Variants in OLFM3 observed in about 807,000 individuals in gnomAD.
OLFM3 encodes the protein noelin-3.
In OLFM3, 20 loss-of-function variants were observed where a neutral mutation model predicts 48.6. The ratio of observed to expected loss-of-function variants is 0.41; its 90% CI spans 0.29 to 0.60. OLFM3 has a LOEUF of 0.60. OLFM3 is among the 20% of genes least tolerant of loss of function. OLFM3 has a pLI of 0.28. For synonymous variants in OLFM3, 222 were observed against 198.1 expected (o/e 1.12, Z -1.01); for missense variants, 437 against 544.3 (o/e 0.80, Z 1.96).
intron 1 of OLFM3, among the ~76,000 whole-genome samples, chr1:101,932,494 A>C (rs955678736): frequency 6.6e-6 from 1 of 152,176 alleles, no homozygotes; most frequent in Non-Finnish European, 1.5e-5. Flanking sequence ...GGAACCCTGC[A>C]CAGGGCTATT....
intron 1 of OLFM3, among the ~76,000 whole-genome samples, chr1:101,957,689 G>A (rs1422373819): frequency 6.6e-6 from 1 of 151,996 alleles, no homozygotes; most frequent in East Asian, 1.9e-4. Context: ...TGTTACATAA[G>A]TGAGGTCTCT....
chr1:101,995,825 A>T (rs1162826256), intron 1 of OLFM3, among the ~76,000 whole-genome samples: 2 of 152,222 alleles, frequency 1.3e-5, no homozygotes, highest in Non-Finnish European at 2.9e-5. Flanking sequence ...CAGTTAAATA[A>T]GTAAAATAAT....
At chr1:101,828,239 C>A (rs1389792760) in intron 3 of OLFM3, among the ~76,000 whole-genome samples, 2 of 152,070 alleles carry the variant, frequency 1.3e-5, no homozygotes, top group South Asian at 2.1e-4. Context: ...GAGAATAGAC[C>A]AATACACTCT....
At chr1:101,819,966 G>T (rs1445226) in intron 4 of OLFM3, among the ~76,000 whole-genome samples, 68,033 of 151,786 alleles carry the variant, frequency 0.45, 15,544 homozygotes, top group Non-Finnish European at 0.5. Flanking sequence ...AATATTGCTG[G>T]AGTTATTGAC....
chr1:101,937,874 C>G (rs578043233), intron 1 of OLFM3, among the ~76,000 whole-genome samples: 1 of 152,230 alleles, frequency 6.6e-6, no homozygotes, highest in Non-Finnish European at 1.5e-5. Context: ...ACTTATTCAT[C>G]CCTTACATAT....
At chr1:101,809,774 C>G (rs914081815) in intron 4 of OLFM3, among the ~76,000 whole-genome samples, 2 of 151,896 alleles carry the variant, frequency 1.3e-5, no homozygotes. Context: ...AAATAATTCA[C>G]TTGAATTTAA....
chr1:101,883,624 C>T (rs957082578), intron 1 of OLFM3, among the ~76,000 whole-genome samples: 12 of 151,896 alleles, frequency 7.9e-5, no homozygotes, highest in African/African-American at 2.9e-4. Context: ...AGTTACTTGG[C>T]TTTTCCACCT....
chr1:101,840,585 C>A (rs1408100012), intron 1 of OLFM3, among the ~76,000 whole-genome samples: 3 of 151,978 alleles, frequency 2.0e-5, no homozygotes, highest in Non-Finnish European at 2.9e-5. Context: ...ATTCTCCCAC[C>A]ACAGTTTCCT....
chr1:101,996,641 GA>G lies in OLFM3; in HGVS notation c.69+106del, dbSNP rs1210277101. 23 of 1,140,742 alleles carry G rather than the reference GA, an allele frequency of 2.0e-5. No homozygotes were observed. The South Asian group carries it at 2.6e-4, about 13-fold the overall frequency. 70.7% of individuals were successfully genotyped at this position (1,140,742 alleles called of 1,614,324 possible). ...ATACGCCAGACACCATAAGGTAGCT[GA>G]AAGAGCTGTCTCTCGTCCCGTTTTT... On this transcript the variant is annotated intron_variant, in intron 1 of 5. Transcript: ENST00000370103.
intron 1 of OLFM3, among the ~76,000 whole-genome samples, chr1:101,933,568 G>A (rs942503289): frequency 2.0e-5 from 3 of 152,018 alleles, no homozygotes; most frequent in Non-Finnish European, 2.9e-5. Flanking sequence ...AAATGTCCTC[G>A]ACCTCAATAG....
intron 1 of OLFM3, among the ~76,000 whole-genome samples, chr1:101,969,156 T>C (rs983670661): frequency 1.3e-5 from 2 of 152,138 alleles, no homozygotes; most frequent in African/African-American, 4.8e-5. Context: ...GTATTTTTAC[T>C]TTTATTTTTG....
At chr1:101,821,347 A>G (rs962261438) in intron 4 of OLFM3, among the ~76,000 whole-genome samples, 16 of 150,372 alleles carry the variant, frequency 1.1e-4, no homozygotes, top group Non-Finnish European at 2.2e-4. Flanking sequence ...TATGCACTAT[A>G]TATAATATAA....
intron 1 of OLFM3, among the ~76,000 whole-genome samples, chr1:101,931,578 C>A (rs1298816618): frequency 6.6e-6 from 1 of 152,164 alleles, no homozygotes; most frequent in East Asian, 1.9e-4. Context: ...GAATATACAG[C>A]AAAGTCCAAG....
chr1:101,962,919 TG>T (rs1340692429), intron 1 of OLFM3, among the ~76,000 whole-genome samples: 2 of 152,226 alleles, frequency 1.3e-5, no homozygotes, highest in Non-Finnish European at 2.9e-5. Flanking sequence ...TTATGTTCAT[TG>T]GGCTGCTAGT....
At chr1:101,951,812 A>T (rs1242056936) in intron 1 of OLFM3, among the ~76,000 whole-genome samples, 1 of 152,192 alleles carries the variant, frequency 6.6e-6, no homozygotes, top group South Asian at 2.1e-4. Context: ...CAGCAAAACC[A>T]TTCAAACTCA....
chr1:101,850,224 T>C (rs922579330), intron 1 of OLFM3, among the ~76,000 whole-genome samples: 3 of 152,148 alleles, frequency 2.0e-5, no homozygotes, highest in Admixed American at 2.0e-4. Context: ...TACACACTTA[T>C]TTTCTTTGTG....
chr1:101,824,506 T>G (rs183211206), intron 4 of OLFM3, among the ~76,000 whole-genome samples: 2 of 152,214 alleles, frequency 1.3e-5, no homozygotes, highest in East Asian at 3.9e-4. Flanking sequence ...ACCTTTTCAT[T>G]TCTTGAGTAG....
intron 1 of OLFM3, among the ~76,000 whole-genome samples, chr1:101,930,681 A>G (rs1261825416): frequency 6.6e-6 from 1 of 152,204 alleles, no homozygotes; most frequent in African/African-American, 2.4e-5. Flanking sequence ...GCAGGGCTTT[A>G]AAGAAAAGTG....
intron 4 of OLFM3, among the ~76,000 whole-genome samples, chr1:101,808,119 C>T (rs975295874): frequency 4.0e-5 from 5 of 126,064 alleles, no homozygotes; most frequent in African/African-American, 1.5e-4. Context: ...CTCTTTTCCC[C>T]TAAAAACGTC....
Sources: gnomAD v4.1 joint callset for allele counts (sites outside exome capture counted in the v4.1 genomes callset) on GRCh38, gnomAD v4.1.1 for gene constraint, MANE v1.5 for transcripts, NCBI Gene and HGNC (gene_info 2026-07-23, HGNC 2026-07-21) for gene names.